The following JRK variants were observed in gnomAD, a reference collection of about 807,000 sequenced individuals.
JRK encodes the protein Jrk helix-turn-helix protein.
For synonymous variants in JRK, 303 were observed against 218.1 expected (o/e 1.39, Z -3.43); for missense variants, 720 against 509.2 (o/e 1.41, Z -3.98).
At chr8:142,651,140 C>CA in the JRK span, among the ~76,000 whole-genome samples, 5 of 150,806 alleles carry the variant, frequency 3.3e-5, no homozygotes, top group South Asian at 2.1e-4. Flanking sequence ...AACCTTTGTT[C>CA]AAAAAAAAGA....
At position 142,658,324 on chromosome 8, in the gene JRK, G is replaced by C. The variant is rs1554633987; in HGVS notation, c.*6028C>G. 6.6e-6 allele frequency: 1 copy of C among 152,110 alleles called. No individual in the cohort carries two copies. The highest frequency in any genetic ancestry group is 2.4e-5 in the African/African-American group (1 of 41,384). The allele number at this position is 152,110 out of a possible 1,614,324, so 9.4% of individuals were successfully genotyped here. A position where few individuals can be genotyped will look rare whatever the true frequency, so the allele number is the denominator to read the frequency against. On this transcript the variant is annotated 3_prime_UTR_variant, in exon 2 of 2. Transcript: ENST00000612905. ...TGGGGACTGAAAGTCCAATATCAAA[G>C]GCACTGGCAGTCTGGTGTCGGCTGA...
intron 1 of JRK, among the ~76,000 whole-genome samples, chr8:142,669,719 G>C (rs1847264476): frequency 6.6e-6 from 1 of 150,702 alleles, no homozygotes; most frequent in Non-Finnish European, 1.5e-5. Context: ...ACAGGGCTTC[G>C]GGTTCCGAGC....
chr8:142,659,098 A>G lies in JRK; in HGVS notation c.*5254T>C. On this transcript the variant is annotated 3_prime_UTR_variant, in exon 2 of 2. Coordinates refer to ENST00000612905, the MANE Select transcript of JRK (RefSeq NM_003724.4). ...CAGAACTGACAGCCCATCAAGGTAC[A>G]ATGAAATAGAAAAAAGGCTGGCCAG... 7.2e-7 allele frequency: 1 copy of G among 1,381,140 alleles called. No homozygotes were observed. Among genetic ancestry groups the G allele is most frequent in the East Asian group, 2.7e-5 (1 of 36,640 alleles). 85.6% of individuals were successfully genotyped at this position (1,381,140 alleles called of 1,614,324 possible).
chr8:142,669,924 C>A lies in JRK; in HGVS notation c.-463+8G>T. 1 of 153,236 alleles carries A rather than the reference C, an allele frequency of 6.5e-6. No individual in the cohort carries two copies. Among genetic ancestry groups the A allele is most frequent in the South Asian group, 1.8e-4 (1 of 5,644 alleles). 9.5% of individuals were successfully genotyped at this position (153,236 alleles called of 1,614,324 possible). On this transcript the variant is annotated splice_region_variant and intron_variant, in intron 1 of 1. Transcript: ENST00000612905. ...CCGCCCAGCGCCTCAGGCCAGGACC[C>A]TACTCACCCTGCTCACCCGGAGCAG...
rs782230453 is a variant in JRK at position 142,664,973 on chromosome 8, G to T, written c.1086C>A (p.Ala362=). 6.7e-6 allele frequency: 5 copies of T among 741,974 alleles called. No individual in the cohort carries two copies. Among genetic ancestry groups the T allele is most frequent in the Non-Finnish European group, 1.2e-5 (5 of 402,468 alleles). 46.0% of individuals were successfully genotyped at this position (741,974 alleles called of 1,614,324 possible). ...GPHARYNMND[A]IFSVACAWNA... Reference sequence around the variant, plus strand: ...TCCAGGCACAGGCCACGCTGAATATGGCATCGTTCATGTTGTAGCGGGCGT... The same window carrying T: ...TCCAGGCACAGGCCACGCTGAATATTGCATCGTTCATGTTGTAGCGGGCGT... The change falls in exon 2 of 2, where the codon GCC becomes GCA. Residue 362 remains alanine (A), a synonymous_variant. Coordinates refer to ENST00000612905, the MANE Select transcript of JRK (RefSeq NM_003724.4).
intron 1 of JRK, among the ~76,000 whole-genome samples, chr8:142,668,677 T>C (rs78969819): frequency 0.028 from 4,277 of 151,010 alleles, 99 homozygotes; most frequent in Middle Eastern, 0.065. Context: ...ATGCCTGACA[T>C]GCAGGTGTAG....
downstream of JRK, among the ~76,000 whole-genome samples, chr8:142,656,341 CAGG>C (rs1316173922): frequency 6.6e-6 from 1 of 152,200 alleles, no homozygotes; most frequent in Non-Finnish European, 1.5e-5. Flanking sequence ...TTTTTCTCCT[CAGG>C]AGCACAGCCT....
chr8:142,654,952 C>T (rs948625306), downstream of JRK, among the ~76,000 whole-genome samples: 9 of 152,268 alleles, frequency 5.9e-5, no homozygotes, highest in South Asian at 8.3e-4. Context: ...CTGCCAGCCT[C>T]GGGGTCCCTT....
At position 142,661,010 on chromosome 8, in the gene JRK, A is replaced by C. The variant is rs905781941; in HGVS notation, c.*3342T>G. The C allele has an allele frequency of 1.0e-4, 101 of 985,286 alleles. No individual in the cohort carries two copies. Among genetic ancestry groups the C allele is most frequent in the Non-Finnish European group, 1.1e-4 (94 of 829,928 alleles). 61.0% of individuals were successfully genotyped at this position (985,286 alleles called of 1,614,324 possible). A position where few individuals can be genotyped will look rare whatever the true frequency, so the allele number is the denominator to read the frequency against. ...CTTTCTTCCAATCAACTCCACCACT[A>C]GCAATCAATCACTTGGCCCACTGGA... On this transcript the variant is annotated 3_prime_UTR_variant, in exon 2 of 2. Coordinates refer to ENST00000612905, the MANE Select transcript of JRK (RefSeq NM_003724.4).
In JRK at chr8:142,666,372, A is replaced by C. The variant is rs1225224699; in HGVS notation, c.-314T>G. On this transcript the variant is annotated 5_prime_UTR_variant, in exon 2 of 2. Coordinates refer to ENST00000612905, the MANE Select transcript of JRK (RefSeq NM_003724.4). ...GTCAGACTCCCCTCTGCTGCTCCAC[A>C]CGGCTGGAACTCCGGCCTTCTCTGT... 4 of 472,972 alleles carry C rather than the reference A, an allele frequency of 8.5e-6. No individual in the cohort carries two copies. Among genetic ancestry groups the C allele is most frequent in the South Asian group, 2.2e-5 (1 of 45,650 alleles). 29.3% of individuals were successfully genotyped at this position (472,972 alleles called of 1,614,324 possible).
At chr8:142,669,165 T>G (rs1847231020) in intron 1 of JRK, among the ~76,000 whole-genome samples, 1 of 68,518 alleles carries the variant, frequency 1.5e-5, no homozygotes, top group Non-Finnish European at 3.0e-5. Flanking sequence ...AGGGGCATAG[T>G]GTGTGTGTGT....
chr8:142,668,927 G>A (rs1460453014), intron 1 of JRK, among the ~76,000 whole-genome samples: 1 of 151,646 alleles, frequency 6.6e-6, no homozygotes, highest in Non-Finnish European at 1.5e-5. Flanking sequence ...AAGCTACTGT[G>A]GGATTCCCTG....
chr8:142,666,355 C>A lies in JRK; in HGVS notation c.-297G>T, dbSNP rs1207620555. ...GTGGAGGAGGTGACCCTGTCAGACT[C>A]CCCTCTGCTGCTCCACACGGCTGGA... On this transcript the variant is annotated 5_prime_UTR_variant, in exon 2 of 2. Coordinates refer to ENST00000612905, the MANE Select transcript of JRK (RefSeq NM_003724.4). The A allele has an allele frequency of 1.9e-6, 1 of 514,454 alleles. No individual in the cohort carries two copies. The highest frequency in any genetic ancestry group is 3.7e-6 in the Non-Finnish European group (1 of 272,996). The allele number at this position is 514,454 out of a possible 1,614,324, so 31.9% of individuals were successfully genotyped here.
the JRK span, among the ~76,000 whole-genome samples, chr8:142,643,817 A>G: frequency 6.6e-6 from 1 of 152,244 alleles, no homozygotes; most frequent in African/African-American, 2.4e-5. Flanking sequence ...AGAGATTCTT[A>G]TTGTACTTAT....
chr8:142,655,903 T>C (rs1172336328), downstream of JRK, among the ~76,000 whole-genome samples: 1 of 152,252 alleles, frequency 6.6e-6, no homozygotes, highest in Non-Finnish European at 1.5e-5. Flanking sequence ...ATTTACATTT[T>C]ATCAGAATCT....
chr8:142,664,595 C>A lies in JRK; in HGVS notation c.1464G>T (p.Glu488Asp). Residue 488 changes from glutamate (E) to aspartate (D), a missense_variant, in exon 2 of 2, where the codon GAG becomes GAT. Transcript: ENST00000612905. ...DPGEGEEVAW[E>D]QAAVAFDAVL... ...CTGCGTCAAAGGCCACGGCCGCCTGCTCCCAGGCCACCTCCTCGCCCTCAC... is the reference window on the plus strand; with the variant it reads ...CTGCGTCAAAGGCCACGGCCGCCTGATCCCAGGCCACCTCCTCGCCCTCAC... 1 of 1,609,302 alleles carries A rather than the reference C, an allele frequency of 6.2e-7. No homozygotes were observed.
At position 142,662,338 on chromosome 8, in the gene JRK, G is replaced by A; in HGVS notation, c.*2014C>T. 1.0e-6 allele frequency: 1 copy of A among 985,606 alleles called. No homozygotes were observed. Among genetic ancestry groups the A allele is most frequent in the Non-Finnish European group, 1.2e-6 (1 of 830,076 alleles). 61.1% of individuals were successfully genotyped at this position (985,606 alleles called of 1,614,324 possible). ...CTCCCCAGCTCCACCCACCCAGGAT[G>A]TCCTACTGTTTCAGAGCCCTCGGGA... On this transcript the variant is annotated 3_prime_UTR_variant, in exon 2 of 2. Transcript: ENST00000612905.
downstream of JRK, among the ~76,000 whole-genome samples, chr8:142,654,079 T>A (rs963657190): frequency 6.6e-6 from 1 of 152,114 alleles, no homozygotes; most frequent in African/African-American, 2.4e-5. Context: ...CCTGGGAGCC[T>A]CCACCCTGCA....
At position 142,665,382 on chromosome 8, in the gene JRK, C is replaced by A. The variant is rs1847082114; in HGVS notation, c.677G>T (p.Gly226Val). 1 of 717,544 alleles carries A rather than the reference C, an allele frequency of 1.4e-6. No individual in the cohort carries two copies. The highest frequency in any genetic ancestry group is 1.7e-5 in the African/African-American group (1 of 57,268). The allele number at this position is 717,544 out of a possible 1,614,324, so 44.4% of individuals were successfully genotyped here. ...LTVLMCANAT[G>V]SHRLKPLAIG... ...GGCCAAGGGCTTGAGCCTGTGGGAG[C>A]CCGTGGCGTTGGCACACATCAGCAC... is the stretch of plus-strand genomic sequence containing the variant. The change falls in exon 2 of 2, where the codon GGC becomes GTC. Residue 226 changes from glycine to valine, a missense_variant. Gly to Val is a moderately radical substitution (Grantham distance 109). Coordinates refer to ENST00000612905, the MANE Select transcript of JRK (RefSeq NM_003724.4).
Sources: gnomAD v4.1 joint callset for allele counts (sites outside exome capture counted in the v4.1 genomes callset) on GRCh38, gnomAD v4.1.1 for gene constraint, MANE v1.5 for transcripts, NCBI Gene and HGNC (gene_info 2026-07-23, HGNC 2026-07-21) for gene names.